The following DNAH3 variants were observed in gnomAD, a reference collection of about 807,000 sequenced individuals.
The protein encoded by DNAH3 is dynein axonemal heavy chain 3, also known as axonemal beta dynein heavy chain 3.
Under a neutral mutation model 432.5 loss-of-function variants are expected in DNAH3, and 332 were observed. That is an observed-to-expected ratio of 0.77 (90% confidence interval 0.70 to 0.84). The LOEUF (loss-of-function observed/expected upper bound fraction) is 0.84. Among genes scored for constraint, DNAH3 ranks in the 40% least tolerant of loss-of-function variants. DNAH3 has a pLI of 0.00. For synonymous variants in DNAH3, 1,956 were observed against 1,900.2 expected, an observed-to-expected ratio of 1.03 and a Z score of -0.76; for missense variants, 4,861 against 5,114.0, an observed-to-expected ratio of 0.95 and a Z score of 1.51.
chr16:20,955,841 G>A (rs1272989224), intron 54 of DNAH3, among the ~76,000 whole-genome samples: 1 of 152,070 alleles, frequency 6.6e-6, no homozygotes, highest in Non-Finnish European at 1.5e-5. Context: ...AACTAGAATT[G>A]ATAATTTTAC....
At chr16:21,050,298 T>C (rs2089901096) in intron 29 of DNAH3, among the ~76,000 whole-genome samples, 2 of 152,220 alleles carry the variant, frequency 1.3e-5, no homozygotes, top group Non-Finnish European at 2.9e-5. Context: ...CACCCATGAA[T>C]ATTTGTTTGA....
chr16:20,986,162 TTTTG>T (rs1444490067), intron 47 of DNAH3, among the ~76,000 whole-genome samples: 3 of 151,692 alleles, frequency 2.0e-5, no homozygotes, highest in African/African-American at 4.8e-5. Context: ...GGCCCAGTCT[TTTTG>T]TTTTTTAAAC....
At chr16:20,992,002 G>T (rs1224418696) in intron 44 of DNAH3, among the ~76,000 whole-genome samples, 1 of 152,108 alleles carries the variant, frequency 6.6e-6, no homozygotes, top group Non-Finnish European at 1.5e-5. Context: ...ACCACTATTT[G>T]GTTATACAGT....
At chr16:21,023,876 T>C (rs1328729223) in intron 39 of DNAH3, among the ~76,000 whole-genome samples, 1 of 151,966 alleles carries the variant, frequency 6.6e-6, no homozygotes, top group East Asian at 1.9e-4. Context: ...ATTATCCATG[T>C]ATGTAGGTGA....
At chr16:21,148,811 C>A (rs906171100) in intron 1 of DNAH3, among the ~76,000 whole-genome samples, 2 of 152,160 alleles carry the variant, frequency 1.3e-5, no homozygotes, top group African/African-American at 4.8e-5. Flanking sequence ...CAGATCTAGG[C>A]ATCAATTGCA....
chr16:21,153,582 G>A (rs1053145646), intron 1 of DNAH3, among the ~76,000 whole-genome samples: 10 of 152,160 alleles, frequency 6.6e-5, no homozygotes, highest in African/African-American at 2.2e-4. Flanking sequence ...CAACGTGGAA[G>A]GTTTGTTCTT....
intron 51 of DNAH3, among the ~76,000 whole-genome samples, chr16:20,974,587 T>TG (rs1167183888): frequency 3.7e-5 from 5 of 135,934 alleles, no homozygotes; most frequent in African/African-American, 1.4e-4. Flanking sequence ...GTGTTTTTTT[T>TG]TTTTTTTTTT....
intron 20 of DNAH3, among the ~76,000 whole-genome samples, chr16:21,081,379 A>AT (rs1188812766): frequency 9.8e-5 from 11 of 112,158 alleles, no homozygotes; most frequent in Admixed American, 6.5e-4. Flanking sequence ...TTCAAAGAAC[A>AT]TTAAAAAAAA....
intron 1 of DNAH3, among the ~76,000 whole-genome samples, chr16:21,154,717 G>T (rs924829100): frequency 6.6e-6 from 1 of 152,190 alleles, no homozygotes; most frequent in Admixed American, 6.5e-5. Flanking sequence ...ACACAGCTAG[G>T]TCATCAGGAA....
chr16:21,019,710 A>C lies in DNAH3; in HGVS notation c.5936T>G (p.Phe1979Cys). ...ATCCATGCCCATGATCAGGTTGCGG[A>C]AAAACACATCAAATTTCTTTCTGCT... The change falls in exon 41 of 62, where the codon TTC (phenylalanine) becomes TGC (cysteine). Residue 1979 changes from phenylalanine to cysteine, a missense_variant. Transcript: ENST00000261383. The C allele has an allele frequency of 5.6e-6, 9 of 1,614,144 alleles. 1 individual carries two copies. The highest frequency in any genetic ancestry group is 7.6e-6 in the Non-Finnish European group (9 of 1,180,012).
intron 27 of DNAH3, among the ~76,000 whole-genome samples, chr16:21,057,467 T>C (rs1397809422): frequency 6.6e-6 from 1 of 152,158 alleles, no homozygotes; most frequent in South Asian, 2.1e-4. Flanking sequence ...GTTGTGACAA[T>C]TCCTTGCATG....
intron 29 of DNAH3, among the ~76,000 whole-genome samples, 153 bp downstream of exon 29, chr16:21,051,517 G>A (rs979999487): frequency 6.6e-6 from 1 of 152,168 alleles, no homozygotes; most frequent in Non-Finnish European, 1.5e-5. Flanking sequence ...TGAAGACCTA[G>A]TTTGCATGCC....
chr16:20,999,963 G>C (rs996521123), intron 43 of DNAH3, among the ~76,000 whole-genome samples: 1 of 137,314 alleles, frequency 7.3e-6, no homozygotes, highest in Non-Finnish European at 1.6e-5. Flanking sequence ...AGGAAGGAAA[G>C]AAAGAAGGAA....
At chr16:21,111,291 T>G (rs1316308572) in intron 14 of DNAH3, among the ~76,000 whole-genome samples, 1 of 152,188 alleles carries the variant, frequency 6.6e-6, no homozygotes, top group Admixed American at 6.5e-5. Flanking sequence ...ATGTGCTAGA[T>G]GAACAGTGAG....
intron 6 of DNAH3, among the ~76,000 whole-genome samples, chr16:21,135,703 G>A (rs2092632499): frequency 1.3e-5 from 2 of 151,778 alleles, no homozygotes; most frequent in South Asian, 4.2e-4. Context: ...CTTCAGCCTG[G>A]GCGACAGAGC....
intron 11 of DNAH3, among the ~76,000 whole-genome samples, chr16:21,120,152 GGAGTGCAATGGTGCAA>G (rs1370123473): frequency 1.4e-5 from 2 of 138,108 alleles, no homozygotes; most frequent in Non-Finnish European, 3.0e-5. Context: ...TGCCCAGGCT[GGAGTGCAATGGTGCAA>G]TCATAGCTCA....
chr16:20,968,476 A>G (rs1180241160), intron 52 of DNAH3, among the ~76,000 whole-genome samples: 1 of 152,192 alleles, frequency 6.6e-6, no homozygotes, highest in Non-Finnish European at 1.5e-5. Flanking sequence ...GGTGATTTTT[A>G]AAGTCACTGT....
intron 24 of DNAH3, among the ~76,000 whole-genome samples, chr16:21,066,348 AC>A (rs1207259573): frequency 1.3e-5 from 2 of 151,770 alleles, no homozygotes; most frequent in Admixed American, 6.6e-5. Flanking sequence ...GTGAGAATTC[AC>A]CTTTCCGAAA....
intron 43 of DNAH3, among the ~76,000 whole-genome samples, chr16:20,998,404 C>T (rs2086858123): frequency 6.6e-6 from 1 of 152,102 alleles, no homozygotes; most frequent in South Asian, 2.1e-4. Flanking sequence ...AGGTGTGCAC[C>T]ACCACGCCCA....
Sources: gnomAD v4.1 joint callset for allele counts (sites outside exome capture counted in the v4.1 genomes callset) on GRCh38, gnomAD v4.1.1 for gene constraint, MANE v1.5 for transcripts, NCBI Gene and HGNC (gene_info 2026-07-23, HGNC 2026-07-21) for gene names.